Variants in DMD observed in about 807,000 individuals in gnomAD.
DMD encodes the protein dystrophin.
Under a neutral mutation model 330.1 loss-of-function variants are expected in DMD, and 63 were observed. The observed-to-expected ratio is 0.19, with a 90% confidence interval of 0.16 to 0.24. The LOEUF is 0.24. DMD is among the 10% of genes least tolerant of loss of function. The pLI is 1.00. For synonymous variants in DMD, 1,223 were observed against 959.8 expected, an observed-to-expected ratio of 1.27 and a Z score of -5.07; for missense variants, 3,344 against 2,684.1, an observed-to-expected ratio of 1.25 and a Z score of -5.43.
intron 41 of DMD, among the ~76,000 whole-genome samples, chrX:32,311,755 T>A (rs1486894443): frequency 8.9e-6 from 1 of 111,850 alleles, no homozygotes; most frequent in Non-Finnish European, 1.9e-5. Flanking sequence ...TTAATTTCAC[T>A]ATTTCATCAT....
At chrX:31,440,709 C>A (rs1164107756) in intron 60 of DMD, among the ~76,000 whole-genome samples, 1 of 112,231 alleles carries the variant, frequency 8.9e-6, no homozygotes, top group Non-Finnish European at 1.9e-5. Context: ...CTTTTTCTAA[C>A]TGCAAGGAGT....
intron 19 of DMD, among the ~76,000 whole-genome samples, chrX:32,492,280 G>A (rs228310): frequency 0.46 from 51,504 of 111,468 alleles, 9,700 homozygotes; most frequent in East Asian, 0.7. Context: ...GGAGCTTGCA[G>A]TGAGCGGAGA....
chrX:31,721,977 C>T (rs759126357), intron 52 of DMD, among the ~76,000 whole-genome samples: 1 of 109,365 alleles, frequency 9.1e-6, no homozygotes, highest in Admixed American at 9.9e-5. Flanking sequence ...ACAGGAAGAA[C>T]TTCACCACAT....
intron 62 of DMD, among the ~76,000 whole-genome samples, chrX:31,314,116 T>C (rs917210701): frequency 1.3e-4 from 15 of 112,221 alleles, no homozygotes; most frequent in Non-Finnish European, 2.3e-4. Flanking sequence ...ATTACAGGCA[T>C]GAGCCACCAC....
At chrX:32,404,721 T>A (rs952565270) in intron 30 of DMD, among the ~76,000 whole-genome samples, 9 of 111,647 alleles carry the variant, frequency 8.1e-5, no homozygotes, top group Admixed American at 1.9e-4. Flanking sequence ...TTTGTAATTT[T>A]AAAAATTGCA....
At chrX:32,833,497 C>A (rs890441505) in intron 4 of DMD, among the ~76,000 whole-genome samples, 1 of 109,521 alleles carries the variant, frequency 9.1e-6, no homozygotes, top group African/African-American at 3.3e-5. Context: ...AGGGCATTGC[C>A]TGAGTAAATG....
At chrX:32,574,783 G>GGTAA (rs199572189) in intron 13 of DMD, among the ~76,000 whole-genome samples, 3,646 of 111,024 alleles carry the variant, frequency 0.033, 137 homozygotes, top group African/African-American at 0.11. Flanking sequence ...CAGTGTCTAA[G>GGTAA]GTCTCATAAT....
intron 60 of DMD, among the ~76,000 whole-genome samples, chrX:31,387,081 T>C (rs2060479530): frequency 1.8e-5 from 2 of 111,935 alleles, no homozygotes; most frequent in Non-Finnish European, 3.8e-5. Flanking sequence ...TTGGTTGACA[T>C]TAAGTACATT....
chrX:33,108,563 G>T (rs1230327139), intron 1 of DMD, among the ~76,000 whole-genome samples: 1 of 108,452 alleles, frequency 9.2e-6, no homozygotes, highest in Non-Finnish European at 1.9e-5. Flanking sequence ...ACCGTGCTGG[G>T]CCCAGAATAA....
intron 44 of DMD, among the ~76,000 whole-genome samples, chrX:32,067,324 T>C (rs1336500351): frequency 9.0e-6 from 1 of 111,522 alleles, no homozygotes; most frequent in Non-Finnish European, 1.9e-5. Context: ...TTAGATACTT[T>C]TAGTGACCAC....
chrX:31,996,896 A>G (rs903339789), intron 44 of DMD, among the ~76,000 whole-genome samples: 3 of 111,839 alleles, frequency 2.7e-5, no homozygotes, highest in African/African-American at 9.7e-5. Flanking sequence ...AACTACACCA[A>G]TGCAATGATG....
intron 1 of DMD, among the ~76,000 whole-genome samples, chrX:33,266,654 G>A (rs1315585283): frequency 9.0e-6 from 1 of 111,383 alleles, no homozygotes; most frequent in Non-Finnish European, 1.9e-5. Context: ...AAGTATGGGT[G>A]GCTATACTGT....
At chrX:32,631,909 C>T (rs1463183342) in intron 11 of DMD, among the ~76,000 whole-genome samples, 4 of 110,948 alleles carry the variant, frequency 3.6e-5, no homozygotes, top group Admixed American at 2.9e-4. Flanking sequence ...CCATCCTGGC[C>T]CCTCCCAAAT....
At chrX:32,973,155 G>A (rs1481018465) in intron 2 of DMD, among the ~76,000 whole-genome samples, 1 of 112,173 alleles carries the variant, frequency 8.9e-6, no homozygotes, top group Non-Finnish European at 1.9e-5. Flanking sequence ...GTGGCTTCTA[G>A]TCAATTTGAC....
chrX:31,713,908 T>A (rs2084829779), intron 52 of DMD, among the ~76,000 whole-genome samples: 1 of 111,923 alleles, frequency 8.9e-6, no homozygotes, highest in Admixed American at 9.5e-5. Flanking sequence ...CTAATGCAAA[T>A]TATTAAGTAT....
chrX:32,252,691 TATATAA>T lies in DMD; in HGVS notation c.6290+34832_6290+34837del, dbSNP rs2097271528. ...ATATATATATAAATATATAAATATA[TATATAA>T]ATATATATAAATATATAAATATATA... On this transcript the variant is annotated intron_variant, in intron 43 of 78. Coordinates refer to ENST00000357033, the MANE Select transcript of DMD (RefSeq NM_004006.3). 4.6e-4 allele frequency among the ~76,000 whole-genome samples: 24 copies of T among 52,274 alleles called. 2 individuals carry two copies. The highest frequency in any genetic ancestry group is 1.7e-3 in the African/African-American group (23 of 13,359). 45.4% of individuals were successfully genotyped at this position (52,274 alleles called of 115,157 possible).
chrX:32,066,467 G>T (rs779437243), intron 44 of DMD, among the ~76,000 whole-genome samples: 62 of 111,024 alleles, frequency 5.6e-4, no homozygotes, highest in Non-Finnish European at 9.5e-4. Flanking sequence ...ATGCTTTTCT[G>T]TTACCTGACT....
chrX:31,346,344 C>A (rs774128871), intron 61 of DMD, among the ~76,000 whole-genome samples: 23 of 110,760 alleles, frequency 2.1e-4, no homozygotes, highest in Non-Finnish European at 4.2e-4. Context: ...TAGTTAAAAT[C>A]TGTAACATTT....
intron 13 of DMD, among the ~76,000 whole-genome samples, chrX:32,577,201 G>T: frequency 8.9e-6 from 1 of 111,756 alleles, no homozygotes; most frequent in Middle Eastern, 4.6e-3. Flanking sequence ...CAACACAGAG[G>T]AGAGACCACG....
Sources: gnomAD v4.1 joint callset for allele counts (sites outside exome capture counted in the v4.1 genomes callset) on GRCh38, gnomAD v4.1.1 for gene constraint, MANE v1.5 for transcripts, NCBI Gene and HGNC (gene_info 2026-07-23, HGNC 2026-07-21) for gene names.